The following IQCH variants were observed in gnomAD, a reference collection of about 807,000 sequenced individuals.
IQCH encodes IQ motif containing H.
In IQCH, 98 loss-of-function variants were observed where a neutral mutation model predicts 117.0. That is an observed-to-expected ratio of 0.84 (90% CI 0.71 to 0.99). The LOEUF is 0.99. Among genes scored for constraint, IQCH ranks in the 50% least tolerant of loss-of-function variants. The pLI, the probability that IQCH is intolerant of heterozygous loss-of-function variation, is 0.00. For synonymous variants in IQCH, 412 were observed against 448.2 expected, an observed-to-expected ratio of 0.92 and a Z score of 1.02; for missense variants, 1,102 against 1,243.8, an observed-to-expected ratio of 0.89 and a Z score of 1.72.
intron 4 of IQCH, among the ~76,000 whole-genome samples, chr15:67,336,308 T>G (rs1442643508): frequency 6.6e-6 from 1 of 152,168 alleles, no homozygotes; most frequent in African/African-American, 2.4e-5. Context: ...ACTCCTACGA[T>G]AAAGGTAAAA....
chr15:67,263,673 T>G (rs925209797), intron 3 of IQCH, among the ~76,000 whole-genome samples: 1 of 99,352 alleles, frequency 1.0e-5, no homozygotes, highest in Non-Finnish European at 2.0e-5. Context: ...AGGAAACATT[T>G]TAATGCAAAT....
At position 67,465,072 on chromosome 15, in the gene IQCH, C is replaced by T; in HGVS notation, c.2506-55C>T. 3 of 1,578,720 alleles carry T rather than the reference C, an allele frequency of 1.9e-6. No individual in the cohort carries two copies. The South Asian group carries it at 3.5e-5, about 18-fold the overall frequency. On this transcript the variant is annotated intron_variant, in intron 16 of 20. Transcript: ENST00000335894. The surrounding 1 kb of genome is among the most constrained non-coding windows in gnomAD (Gnocchi z 5.9). ...TGGTCTGGTTAGGCAGAGGTGGGGCCTTCGCTGCTGTTTGCTGATTTCACC... is the reference window on the plus strand; with the variant it reads ...TGGTCTGGTTAGGCAGAGGTGGGGCTTTCGCTGCTGTTTGCTGATTTCACC...
chr15:67,489,266 C>T (rs944595098), intron 18 of IQCH, among the ~76,000 whole-genome samples: 21 of 151,916 alleles, frequency 1.4e-4, no homozygotes, highest in Non-Finnish European at 2.8e-4. Context: ...ATCTCCTGAC[C>T]TCGTGATCCG....
chr15:67,311,393 T>A (rs1967588241), intron 4 of IQCH, among the ~76,000 whole-genome samples: 1 of 151,828 alleles, frequency 6.6e-6, no homozygotes, highest in East Asian at 1.9e-4. Context: ...TTCTACATCT[T>A]GTGCAGGCAA....
intron 4 of IQCH, chr15:67,306,893 C>G: frequency 6.6e-7 from 1 of 1,512,134 alleles, no homozygotes; most frequent in South Asian, 1.2e-5. Flanking sequence ...TCACTGACAT[C>G]CAGTTCCAGT....
intron 18 of IQCH, among the ~76,000 whole-genome samples, chr15:67,482,174 C>T (rs6494661): frequency 1 from 152,114 of 152,346 alleles, 75,941 homozygotes; most frequent in Non-Finnish European, 1. Context: ...CAAAGAATAG[C>T]GTCTATGCTC....
rs765012111 is a variant in IQCH, at chr15:67,254,847, C to A, written c.-50C>A. On this transcript the variant is annotated 5_prime_UTR_variant, in exon 1 of 21. Transcript: ENST00000335894. ...ACGAGCGGCTCCGGCTGAAGGTTTC[C>A]GTGCTTGGAAACCGCGCCTCCGCGG... 8.8e-6 allele frequency: 14 copies of A among 1,585,878 alleles called. No homozygotes were observed. The highest frequency in any genetic ancestry group is 5.4e-5 in the African/African-American group (4 of 74,080).
chr15:67,354,248 T>G (rs1969792414), intron 6 of IQCH, among the ~76,000 whole-genome samples: 1 of 152,148 alleles, frequency 6.6e-6, no homozygotes, highest in Non-Finnish European at 1.5e-5. Flanking sequence ...TTTTAAATGT[T>G]CATCATAATC....
At chr15:67,348,176 C>G (rs944186521) in intron 6 of IQCH, among the ~76,000 whole-genome samples, 1 of 152,052 alleles carries the variant, frequency 6.6e-6, no homozygotes, top group Non-Finnish European at 1.5e-5. Flanking sequence ...ATGCTTTTCA[C>G]CTAAGATCAG....
intron 16 of IQCH, among the ~76,000 whole-genome samples, chr15:67,461,281 A>G (rs921017236): frequency 2.6e-5 from 4 of 152,236 alleles, no homozygotes; most frequent in African/African-American, 7.2e-5. Flanking sequence ...GGAGGTGCTC[A>G]GTGAATATTT....
At chr15:67,438,922 C>T (rs2082200260) in intron 16 of IQCH, among the ~76,000 whole-genome samples, 1 of 152,086 alleles carries the variant, frequency 6.6e-6, no homozygotes, top group Non-Finnish European at 1.5e-5. Flanking sequence ...TACTAATAGA[C>T]CAAAGAAATA....
chr15:67,441,815 A>G (rs2082276634), intron 16 of IQCH, among the ~76,000 whole-genome samples: 1 of 152,218 alleles, frequency 6.6e-6, no homozygotes, highest in Non-Finnish European at 1.5e-5. Context: ...CCCCTTCTAG[A>G]CATTGGCTTA....
intron 10 of IQCH, chr15:67,373,932 A>G (rs1247609794): frequency 1.7e-5 from 3 of 172,354 alleles, no homozygotes; most frequent in Non-Finnish European, 3.6e-5. Flanking sequence ...GCGCCTGAGC[A>G]AAAGGAAATG....
At chr15:67,327,935 C>T (rs991398591) in intron 4 of IQCH, among the ~76,000 whole-genome samples, 2 of 152,226 alleles carry the variant, frequency 1.3e-5, no homozygotes, top group African/African-American at 4.8e-5. Flanking sequence ...ACTCCATCCT[C>T]TGACTTTCAA....
At chr15:67,383,724 G>A (rs961331734) in intron 10 of IQCH, among the ~76,000 whole-genome samples, 1 of 152,110 alleles carries the variant, frequency 6.6e-6, no homozygotes, top group African/African-American at 2.4e-5. Flanking sequence ...TTTATATGTG[G>A]AATGGTTCTC....
Position 67,405,623 on chromosome 15 carries a change from T to A in IQCH, c.2097+5318T>A, listed in dbSNP as rs1971867012. ...TCAAGAAGTGACTTGCCCAAATTTA[T>A]AGCTAATAAATGATTGTGCCTTGCT... is the stretch of plus-strand genomic sequence containing the variant. On this transcript the variant is annotated intron_variant, in intron 14 of 20. Coordinates refer to ENST00000335894, the MANE Select transcript of IQCH (RefSeq NM_001031715.3). This position sits in a 1 kb window ranked among gnomAD's most constrained non-coding sequence, Gnocchi z 4.8. 1 of 152,238 alleles carries A rather than the reference T, an allele frequency of 6.6e-6. No individual in the cohort carries two copies. The highest frequency in any genetic ancestry group is 2.1e-4 in the South Asian group (1 of 4,834). The allele number at this position is 152,238 out of a possible 1,614,324, so 9.4% of individuals were successfully genotyped here. A position where few individuals can be genotyped will look rare whatever the true frequency, so the allele number is the denominator to read the frequency against.
At chr15:67,409,616 T>C (rs2081392119) in intron 14 of IQCH, among the ~76,000 whole-genome samples, 1 of 152,142 alleles carries the variant, frequency 6.6e-6, no homozygotes, top group Admixed American at 6.5e-5. Flanking sequence ...GCTACATAAG[T>C]ATGGAATTAT....
intron 4 of IQCH, among the ~76,000 whole-genome samples, chr15:67,280,837 G>GTTA (rs61573874): frequency 0.34 from 41,948 of 124,770 alleles, 6,075 homozygotes; most frequent in African/African-American, 0.42. Context: ...AGAAGGAGGT[G>GTTA]TTATTATTAT....
intron 17 of IQCH, among the ~76,000 whole-genome samples, chr15:67,470,485 T>C (rs1296350754): frequency 2.6e-5 from 4 of 152,080 alleles, no homozygotes; most frequent in African/African-American, 9.7e-5. Flanking sequence ...GCTGGAGTCT[T>C]AGATTTTAAA....
Sources: allele counts gnomAD v4.1 joint callset (sites outside exome capture counted in the v4.1 genomes callset), GRCh38; gene constraint gnomAD v4.1.1; non-coding constraint Gnocchi (gnomAD v3.1); transcripts MANE v1.5; gene names NCBI Gene and HGNC (gene_info 2026-07-23, HGNC 2026-07-21).